Variants in VWA8 observed in about 807,000 individuals in gnomAD.
The protein encoded by VWA8 is von Willebrand factor A domain containing 8, also known as von Willebrand factor A domain-containing protein 8.
A neutral mutation model predicts 241.5 loss-of-function variants in VWA8; 221 were observed. That is an observed-to-expected ratio of 0.91 (90% CI 0.82 to 1.02). The LOEUF (loss-of-function observed/expected upper bound fraction) is 1.02, where lower values mean the gene tolerates loss of function less well. Ranked by LOEUF, VWA8 falls within the 50% of genes least tolerant of loss-of-function variation. VWA8 has a pLI of 0.00. For missense variants in VWA8, 2,322 were observed against 2,328.7 expected, an observed-to-expected ratio of 1.00 and a Z score of 0.06; for synonymous variants, 852 against 827.1, an observed-to-expected ratio of 1.03 and a Z score of -0.52.
intron 20 of VWA8, among the ~76,000 whole-genome samples, chr13:41,777,370 C>T (rs1297438848): frequency 6.6e-6 from 1 of 152,108 alleles, no homozygotes; most frequent in Admixed American, 6.5e-5. Context: ...GAAGTTCTCC[C>T]TGCAGAAGGA....
At chr13:41,593,705 A>C (rs546396787) in intron 40 of VWA8, among the ~76,000 whole-genome samples, 1 of 152,318 alleles carries the variant, frequency 6.6e-6, no homozygotes, top group African/African-American at 2.4e-5. Context: ...CACATTGTAC[A>C]ACTCTTGGAG....
At chr13:41,735,910 T>C (rs969384403) in intron 21 of VWA8, among the ~76,000 whole-genome samples, 3 of 152,140 alleles carry the variant, frequency 2.0e-5, no homozygotes, top group African/African-American at 7.2e-5. Context: ...TTGCTCTGCA[T>C]TTATGAGCAA....
intron 43 of VWA8, among the ~76,000 whole-genome samples, chr13:41,573,399 C>T (rs79034467): frequency 0.16 from 24,358 of 147,746 alleles, 2,168 homozygotes; most frequent in Admixed American, 0.25. Context: ...GCCTGAGCAA[C>T]GGAGCAAGAC....
intron 21 of VWA8, among the ~76,000 whole-genome samples, chr13:41,754,165 T>C (rs945296667): frequency 2.0e-5 from 3 of 152,082 alleles, no homozygotes; most frequent in African/African-American, 7.2e-5. Flanking sequence ...TGTGAACCCA[T>C]CCAAATCTCA....
intron 20 of VWA8, among the ~76,000 whole-genome samples, chr13:41,765,007 G>A (rs4941407): frequency 0.11 from 16,043 of 151,862 alleles, 1,252 homozygotes; most frequent in East Asian, 0.29. Context: ...TCTAAACTAC[G>A]GGATAGAGAG....
intron 20 of VWA8, among the ~76,000 whole-genome samples, chr13:41,763,161 T>C (rs1470329471): frequency 2.0e-5 from 3 of 151,934 alleles, no homozygotes; most frequent in African/African-American, 7.3e-5. Context: ...TGGTGGCACA[T>C]GCCTGTAGTC....
intron 37 of VWA8, among the ~76,000 whole-genome samples, chr13:41,635,414 T>G (rs2044750490): frequency 6.6e-6 from 1 of 152,214 alleles, no homozygotes; most frequent in African/African-American, 2.4e-5. Context: ...GCATCTGAGC[T>G]ATTTTTCATA....
At chr13:41,700,828 C>T (rs2137826796) in intron 28 of VWA8, among the ~76,000 whole-genome samples, 1 of 152,292 alleles carries the variant, frequency 6.6e-6, no homozygotes, top group East Asian at 1.9e-4. Context: ...TAGAGACTCT[C>T]TCCCTTCCCC....
intron 28 of VWA8, 35 bp downstream of exon 28, chr13:41,701,357 C>T: frequency 6.7e-7 from 1 of 1,502,494 alleles, no homozygotes. Flanking sequence ...AAAACATGTG[C>T]AGGAAGGAAA....
chr13:41,796,018 T>G (rs1869686550), intron 17 of VWA8, among the ~76,000 whole-genome samples: 1 of 152,182 alleles, frequency 6.6e-6, no homozygotes, highest in African/African-American at 2.4e-5. Context: ...AGGATCACAA[T>G]AATGTTACCT....
intron 37 of VWA8, among the ~76,000 whole-genome samples, chr13:41,651,089 T>C (rs546035295): frequency 1.3e-5 from 2 of 151,932 alleles, no homozygotes; most frequent in East Asian, 3.9e-4. Context: ...AACAGATACA[T>C]AGACCAATGG....
intron 2 of VWA8, among the ~76,000 whole-genome samples, chr13:41,937,400 T>C (rs1877399723): frequency 1.3e-5 from 2 of 152,186 alleles, no homozygotes; most frequent in African/African-American, 4.8e-5. Context: ...CAGTGAGAGA[T>C]CGTCAGGCAT....
At chr13:41,748,291 A>T (rs2045625901) in intron 21 of VWA8, among the ~76,000 whole-genome samples, 1 of 152,198 alleles carries the variant, frequency 6.6e-6, no homozygotes, top group African/African-American at 2.4e-5. Context: ...TTATTGGTCT[A>T]TTCAGAGATT....
At chr13:41,863,454 T>TATATATATATATATA (rs767135880) in intron 12 of VWA8, among the ~76,000 whole-genome samples, 88 of 94,652 alleles carry the variant, frequency 9.3e-4, no homozygotes, top group East Asian at 1.6e-3. Context: ...TATATATATA[T>TATATATATATATATA]TCACACACAC....
At position 41,703,367 on chromosome 13, in the gene VWA8, C is replaced by T. The variant is rs763058392; in HGVS notation, c.3161G>A (p.Gly1054Asp). ...EQTFMGYWTI[G>D]QARSGMQKLL... The stretch of plus-strand genomic sequence containing the variant: ...TTTTTGCATCCCACTTCTTGCCTGA[C>T]CAATTGTCCAGTAGCCCATGAACGT... Residue 1054 changes from glycine to aspartate, a missense_variant, in exon 27 of 45, where the codon GGT (glycine) becomes GAT (aspartate). Coordinates refer to ENST00000379310, the MANE Select transcript of VWA8 (RefSeq NM_015058.2). 42 of 1,614,070 alleles carry T rather than the reference C, an allele frequency of 2.6e-5. No homozygotes were observed. The East Asian group carries it at 8.9e-4, about 34-fold the overall frequency.
intron 2 of VWA8, among the ~76,000 whole-genome samples, chr13:41,941,854 T>A (rs75245446): frequency 1.3e-3 from 196 of 152,346 alleles, no homozygotes; most frequent in African/African-American, 4.6e-3. Context: ...TGAAATAACC[T>A]GCAGAAACTG....
intron 37 of VWA8, among the ~76,000 whole-genome samples, chr13:41,654,563 G>C (rs1455657311): frequency 6.6e-6 from 1 of 152,182 alleles, no homozygotes; most frequent in Non-Finnish European, 1.5e-5. Context: ...CACACAAGAG[G>C]GTTCACGCTC....
At chr13:41,869,775 G>A (rs1873501368) in intron 9 of VWA8, among the ~76,000 whole-genome samples, 1 of 151,662 alleles carries the variant, frequency 6.6e-6, no homozygotes, top group African/African-American at 2.4e-5. Flanking sequence ...AGGTAAGTAT[G>A]TGAAAGATGA....
chr13:41,949,426 G>A (rs1469082785), intron 2 of VWA8, among the ~76,000 whole-genome samples: 2 of 148,360 alleles, frequency 1.3e-5, no homozygotes, highest in East Asian at 3.9e-4. Flanking sequence ...GTTGAACAAT[G>A]AGAACACATG....
Sources: gnomAD v4.1 joint callset for allele counts (sites outside exome capture counted in the v4.1 genomes callset) on GRCh38, gnomAD v4.1.1 for gene constraint, MANE v1.5 for transcripts, NCBI Gene and HGNC (gene_info 2026-07-23, HGNC 2026-07-21) for gene names.